RAG2: variants seen among roughly 807,000 people sequenced by gnomAD.
The protein encoded by RAG2 is recombination activating 2.
RAG2 carries 16 observed loss-of-function variants against 31.8 expected under a neutral mutation model. That is an observed-to-expected ratio of 0.50 (90% CI 0.34 to 0.76). RAG2 has a LOEUF of 0.76. Among genes scored for constraint, RAG2 ranks in the 30% least tolerant of loss-of-function variants. The probability of loss-of-function intolerance (pLI) is 0.01; values close to 1 mark genes in which losing one functional copy is unlikely to be tolerated. For synonymous variants in RAG2, 199 were observed against 215.9 expected (o/e 0.92, Z 0.68); for missense variants, 622 against 628.5 (o/e 0.99, Z 0.11).
Position 36,592,839 on chromosome 11 carries a change from T to A in RAG2, c.1330A>T (p.Ile444Phe). The change falls in exon 2 of 2, where the codon ATC (isoleucine) becomes TTC (phenylalanine). Residue 444 changes from isoleucine to phenylalanine, a missense_variant. Ile to Phe is a conservative substitution (Grantham distance 21). Transcript: ENST00000311485. Reference sequence around the variant, plus strand: ...TGCCCATCCCCATGAGAGCAGTAGATCATGGCGGGTTTGTTGAGCTCAGTT... The same window carrying A: ...TGCCCATCCCCATGAGAGCAGTAGAACATGGCGGGTTTGTTGAGCTCAGTT... ...YSTELNKPAM[I>F]YCSHGDGHWV... 1 of 1,614,120 alleles carries A rather than the reference T, an allele frequency of 6.2e-7. No homozygotes were observed. Among genetic ancestry groups the A allele is most frequent in the Middle Eastern group, 1.6e-4 (1 of 6,062 alleles).
In RAG2 at chr11:36,593,024, T is replaced by C. The variant is rs1346188727; in HGVS notation, c.1145A>G (p.Glu382Gly). The C allele has an allele frequency of 2.8e-5, 46 of 1,614,218 alleles. No homozygotes were observed. Among genetic ancestry groups the C allele is most frequent in the Non-Finnish European group, 3.8e-5 (45 of 1,180,026 alleles). The change falls in exon 2 of 2, where the codon GAA becomes GGA. Residue 382 changes from glutamate to glycine, a missense_variant. Coordinates refer to ENST00000311485, the MANE Select transcript of RAG2 (RefSeq NM_000536.4). ...PGDSTPFEDS[E>G]EFCFSAEANS... ...TGCTTCTGCACTGAAACAAAATTCTTCAGAGTCTTCAAAGGGAGTGGAATC... is the reference window on the plus strand; with the variant it reads ...TGCTTCTGCACTGAAACAAAATTCTCCAGAGTCTTCAAAGGGAGTGGAATC...
Position 36,598,199 on chromosome 11 carries a change from A to G in RAG2, c.-125T>C. The G allele has an allele frequency of 6.6e-6, 1 of 152,002 alleles. No individual in the cohort carries two copies. Among genetic ancestry groups the G allele is most frequent in the East Asian group, 1.9e-4 (1 of 5,166 alleles). 9.4% of individuals were successfully genotyped at this position (152,002 alleles called of 1,614,324 possible). On this transcript the variant is annotated 5_prime_UTR_variant, in exon 1 of 2. Transcript: ENST00000311485. The stretch of plus-strand genomic sequence containing the variant: ...GGGGAAGATTCACTGACTGCCCACT[A>G]TGACTGTGGCAAGCAGAAGGCTGAC...
At position 36,593,042 on chromosome 11, in the gene RAG2, G is replaced by C. The variant is rs192958391; in HGVS notation, c.1127C>G (p.Thr376Ser). The change falls in exon 2 of 2, where the codon ACT becomes AGT. Residue 376 changes from threonine to serine, a missense_variant. By Grantham distance (58) the Thr-to-Ser change is moderately conservative. Coordinates refer to ENST00000311485, the MANE Select transcript of RAG2 (RefSeq NM_000536.4). ...AAATTCTTCAGAGTCTTCAAAGGGAGTGGAATCCCCTGGATCTTCTGTTGA... is the reference window on the plus strand; with the variant it reads ...AAATTCTTCAGAGTCTTCAAAGGGACTGGAATCCCCTGGATCTTCTGTTGA... ...QTSTEDPGDS[T>S]PFEDSEEFCF... 13 of 1,614,172 alleles carry C rather than the reference G, an allele frequency of 8.1e-6. No individual in the cohort carries two copies. The highest frequency in any genetic ancestry group is 1.1e-5 in the Non-Finnish European group (13 of 1,180,014).
chr11:36,594,558 C>T (rs893156759), intron 1 of RAG2: 1 of 241,248 alleles, frequency 4.1e-6, no homozygotes, highest in Non-Finnish European at 8.1e-6. Flanking sequence ...AGAGGGGACT[C>T]CTGGAATGTG....
downstream of RAG2, chr11:36,591,912 C>T (rs1851027042): frequency 6.6e-6 from 1 of 152,182 alleles, no homozygotes; most frequent in South Asian, 2.1e-4. Context: ...AAAGAAAATG[C>T]ATACAAGTAA....
At chr11:36,596,171 G>A (rs1167214709) in intron 1 of RAG2, among the ~76,000 whole-genome samples, 1 of 147,250 alleles carries the variant, frequency 6.8e-6, no homozygotes, top group African/African-American at 2.5e-5. Flanking sequence ...AGATTCCTTG[G>A]ACTATTTAGA....
In RAG2 at chr11:36,598,229, A is replaced by ATT. The variant is rs1851361037; in HGVS notation, c.-156_-155insAA. On this transcript the variant is annotated 5_prime_UTR_variant, in exon 1 of 2. Coordinates refer to ENST00000311485, the MANE Select transcript of RAG2 (RefSeq NM_000536.4). ...TGTGGCAAGCAGAAGGCTGACTGTAAAGAGAGTGTGTATGTGTGCCTACAG... is the reference window on the plus strand; with the variant it reads ...TGTGGCAAGCAGAAGGCTGACTGTAATTAGAGAGTGTGTATGTGTGCCTACAG... 1.3e-5 allele frequency: 2 copies of ATT among 152,016 alleles called. No homozygotes were observed. The highest frequency in any genetic ancestry group is 4.8e-5 in the African/African-American group (2 of 41,386). 9.4% of individuals were successfully genotyped at this position (152,016 alleles called of 1,614,324 possible). A position where few individuals can be genotyped will look rare whatever the true frequency, so the allele number is the denominator to read the frequency against.
At position 36,592,451 on chromosome 11, in the gene RAG2, G is replaced by T; in HGVS notation, c.*134C>A. 2 of 1,142,536 alleles carry T rather than the reference G, an allele frequency of 1.8e-6. No individual in the cohort carries two copies. Among genetic ancestry groups the T allele is most frequent in the Non-Finnish European group, 1.2e-6 (1 of 820,936 alleles). The allele number at this position is 1,142,536 out of a possible 1,614,324, so 70.8% of individuals were successfully genotyped here. ...ATTGCATTATAAACACTTTTTTCTG[G>T]CCCTTAATTCATGTAACTAAAAGAA... On this transcript the variant is annotated 3_prime_UTR_variant, in exon 2 of 2. Coordinates refer to ENST00000311485, the MANE Select transcript of RAG2 (RefSeq NM_000536.4).
chr11:36,592,985 C>T lies in RAG2; in HGVS notation c.1184G>A (p.Gly395Asp), dbSNP rs757081652. The T allele has an allele frequency of 6.2e-7, 1 of 1,614,130 alleles. No individual in the cohort carries two copies. The highest frequency in any genetic ancestry group is 8.5e-7 in the Non-Finnish European group (1 of 1,180,010). The change falls in exon 2 of 2, where the codon GGT becomes GAT. Residue 395 changes from glycine to aspartate, a missense_variant. By Grantham distance (94) the Gly-to-Asp change is moderately conservative. Transcript: ENST00000311485. The stretch of plus-strand genomic sequence containing the variant: ...ATTATAGGTGTCAAATTCATCATCA[C>T]CATCAAAACTATTTGCTTCTGCACT... ...CFSAEANSFD[G>D]DDEFDTYNED...
At position 36,594,939 on chromosome 11, in the gene RAG2, G is replaced by C. The variant is rs1004691065; in HGVS notation, c.-27-744C>G. 4.6e-5 allele frequency: 7 copies of C among 152,366 alleles called. No homozygotes were observed. The East Asian group carries it at 5.8e-4, about 13-fold the overall frequency. 9.4% of individuals were successfully genotyped at this position (152,366 alleles called of 1,614,324 possible). ...AGGTGCTTGGGGCGGGAGGTTGAAG[G>C]GGGCACCGAGGTTACAAAAGCCGTG... On this transcript the variant is annotated intron_variant, in intron 1 of 1. Coordinates refer to ENST00000311485, the MANE Select transcript of RAG2 (RefSeq NM_000536.4).
Position 36,592,715 on chromosome 11 carries a change from G to A in RAG2, c.1454C>T (p.Ala485Val). The A allele has an allele frequency of 6.2e-7, 1 of 1,607,912 alleles. No individual in the cohort carries two copies. The change falls in exon 2 of 2, where the codon GCA becomes GTA. Residue 485 changes from alanine to valine, a missense_variant. Transcript: ENST00000311485. Reference sequence around the variant, plus strand: ...TCTTTGGGGAGTGTGTAGAGCTCTTGCTATCTCCACATGCTCATTGCAGTA... The same window carrying A: ...TCTTTGGGGAGTGTGTAGAGCTCTTACTATCTCCACATGCTCATTGCAGTA... ...KYYCNEHVEIARALHTPQRVL... is the reference protein window; with the variant it reads ...KYYCNEHVEIVRALHTPQRVL...
Position 36,593,192 on chromosome 11 carries a change from G to C in RAG2, c.977C>G (p.Thr326Ser), listed in dbSNP as rs781129987. 1 of 1,614,168 alleles carries C rather than the reference G, an allele frequency of 6.2e-7. No individual in the cohort carries two copies. The highest frequency in any genetic ancestry group is 8.5e-7 in the Non-Finnish European group (1 of 1,180,040). Reference sequence around the variant, plus strand: ...GTCTCCTGGTATGCCAAGAAAAACAGTTCCATTTCCCATGTTGCTTCCAAA... The same window carrying C: ...GTCTCCTGGTATGCCAAGAAAAACACTTCCATTTCCCATGTTGCTTCCAAA... ...IWFGSNMGNG[T>S]VFLGIPGDNK... Residue 326 changes from threonine to serine, a missense_variant, in exon 2 of 2, where the codon ACT becomes AGT. By Grantham distance (58) the Thr-to-Ser change is moderately conservative. Coordinates refer to ENST00000311485, the MANE Select transcript of RAG2 (RefSeq NM_000536.4).
At position 36,593,794 on chromosome 11, in the gene RAG2, T is replaced by C. The variant is rs759902640; in HGVS notation, c.375A>G (p.Thr125=). The change falls in exon 2 of 2, where the codon ACA becomes ACG. Residue 125 remains threonine (T), a synonymous_variant. Transcript: ENST00000311485. ...KNNKKVTFRC[T]EKDLVGDVPE... ...GAACATCTCCTACCAAGTCTTTCTC[T>C]GTGCAGCGAAAAGTAACCTTTTTGT... The C allele has an allele frequency of 1.9e-6, 3 of 1,614,228 alleles. No homozygotes were observed. The highest frequency in any genetic ancestry group is 2.2e-5 in the South Asian group (2 of 91,086).
Position 36,592,604 on chromosome 11 carries a change from A to C in RAG2, c.1565T>G (p.Leu522Arg), listed in dbSNP as rs764457023. Residue 522 changes from leucine to arginine, a missense_variant, in exon 2 of 2, where the codon CTT becomes CGT. Leu to Arg is a moderately radical substitution (Grantham distance 102). Coordinates refer to ENST00000311485, the MANE Select transcript of RAG2 (RefSeq NM_000536.4). ...KILTPAKKSF[L>R]RRLFD ...GCAAAACTAATCAAACAACCTTCTAAGAAAGGATTTCTTGGCAGGAGTCAA... is the reference window on the plus strand; with the variant it reads ...GCAAAACTAATCAAACAACCTTCTACGAAAGGATTTCTTGGCAGGAGTCAA... The C allele has an allele frequency of 6.8e-6, 11 of 1,613,992 alleles. No homozygotes were observed. The East Asian group carries it at 2.4e-4, about 36-fold the overall frequency.
chr11:36,594,471 C>A, intron 1 of RAG2: 1 of 411,092 alleles, frequency 2.4e-6, no homozygotes, highest in Non-Finnish European at 4.4e-6. Context: ...CATGCGTCAG[C>A]TGAAAGAACC....
intron 1 of RAG2, 193 bp from the exon 2 acceptor site, chr11:36,594,388 G>GA: frequency 1.7e-6 from 1 of 591,960 alleles, no homozygotes; most frequent in East Asian, 2.8e-5. Context: ...AAGGAGCTGG[G>GA]ACATGTTTTA....
At position 36,594,027 on chromosome 11, in the gene RAG2, G is replaced by C. The variant is rs767119176; in HGVS notation, c.142C>G (p.Leu48Val). 5.0e-6 allele frequency: 8 copies of C among 1,614,188 alleles called. No homozygotes were observed. Among genetic ancestry groups the C allele is most frequent in the Non-Finnish European group, 6.8e-6 (8 of 1,180,014 alleles). The change falls in exon 2 of 2, where the codon CTG becomes GTG. Residue 48 changes from leucine to valine, a missense_variant. By Grantham distance (32) the Leu-to-Val change is conservative (BLOSUM62 1). Coordinates refer to ENST00000311485, the MANE Select transcript of RAG2 (RefSeq NM_000536.4). Reference protein sequence around the residue: ...KRSCPTGVFHLDVKHNHVKLK... With the variant: ...KRSCPTGVFHVDVKHNHVKLK... ...TTGACATGGTTATGCTTTACATCCA[G>C]ATGGAAAACTCCAGTGGGGCAGGAT...
At position 36,593,289 on chromosome 11, in the gene RAG2, C is replaced by T; in HGVS notation, c.880G>A (p.Asp294Asn). 1 of 1,614,142 alleles carries T rather than the reference C, an allele frequency of 6.2e-7. No individual in the cohort carries two copies. The highest frequency in any genetic ancestry group is 8.5e-7 in the Non-Finnish European group (1 of 1,180,020). Residue 294 changes from aspartate (D) to asparagine (N), a missense_variant, in exon 2 of 2, where the codon GAC becomes AAC. Coordinates refer to ENST00000311485, the MANE Select transcript of RAG2 (RefSeq NM_000536.4). ...ATCTCACGAATTTCTATCTTGTTGT[C>T]CTCTAAAGAGATGATGTTGCAGATC... ...RMICNIISLE[D>N]NKIEIREMET...
rs1851075506 is a variant in RAG2 at position 36,593,362 on chromosome 11, A to G, written c.807T>C (p.Asp269=). The change falls in exon 2 of 2, where the codon GAT becomes GAC. Residue 269 remains aspartate, a synonymous_variant. Transcript: ENST00000311485. ...GATAGCCACCAACAATAACAAATTC[A>G]TCATTGTTAGTTTGAGTCAGGATTG... is the stretch of plus-strand genomic sequence containing the variant. ...SSAILTQTNN[D]EFVIVGGYQL... 6.2e-7 allele frequency: 1 copy of G among 1,614,012 alleles called. No homozygotes were observed. The highest frequency in any genetic ancestry group is 8.5e-7 in the Non-Finnish European group (1 of 1,180,026).
Sources: gnomAD v4.1 joint callset for allele counts (sites outside exome capture counted in the v4.1 genomes callset) on GRCh38, gnomAD v4.1.1 for gene constraint, MANE v1.5 for transcripts, NCBI Gene and HGNC (gene_info 2026-07-23, HGNC 2026-07-21) for gene names.